The following OPRD1 variants were observed in gnomAD, a reference collection of about 807,000 sequenced individuals.
The protein encoded by OPRD1 is delta-type opioid receptor.
A neutral mutation model predicts 17.5 loss-of-function variants in OPRD1; 19 were observed. That is an observed-to-expected ratio of 1.09 (90% CI 0.76 to 1.60). The LOEUF is 1.60. Among genes scored for constraint, OPRD1 ranks in the 40% most tolerant of loss-of-function variants. The pLI, the probability that OPRD1 is intolerant of heterozygous loss-of-function variation, is 0.00. For missense variants in OPRD1, 483 were observed against 547.2 expected, an observed-to-expected ratio of 0.88 and a Z score of 1.17; for synonymous variants, 256 against 240.9, an observed-to-expected ratio of 1.06 and a Z score of -0.58.
chr1:28,860,644 C>T (rs902520584), intron 2 of OPRD1, among the ~76,000 whole-genome samples: 2 of 152,178 alleles, frequency 1.3e-5, no homozygotes, highest in Admixed American at 1.3e-4. Flanking sequence ...GGACTCCTAC[C>T]TCCATTTGAC....
At position 28,863,878 on chromosome 1, in the gene OPRD1, T is replaced by A. The variant is rs204076; in HGVS notation, c.*595T>A. On this transcript the variant is annotated 3_prime_UTR_variant, in exon 3 of 3. Transcript: ENST00000234961. ...CCTGTGCAAAGGGCCTGTGGCCTCA[T>A]CTTTGGATACGGGATACAGTCCCAG... 110,955 of 152,256 alleles carry A rather than the reference T, an allele frequency of 0.73. 41,118 individuals carry two copies. Among genetic ancestry groups the A allele is most frequent in the East Asian group, 0.91 (4,705 of 5,174 alleles). 9.4% of individuals were successfully genotyped at this position (152,256 alleles called of 1,614,324 possible).
intron 1 of OPRD1, among the ~76,000 whole-genome samples, chr1:28,840,083 A>C (rs1469520960): frequency 2.6e-5 from 4 of 152,142 alleles, no homozygotes; most frequent in Non-Finnish European, 5.9e-5. Flanking sequence ...GGGAGACAGC[A>C]TGAAGGGGAC....
chr1:28,818,994 G>A (rs1011838626), intron 1 of OPRD1, among the ~76,000 whole-genome samples: 4 of 151,470 alleles, frequency 2.6e-5, no homozygotes, highest in African/African-American at 9.7e-5. Context: ...AATCTGTGCA[G>A]AATGGTCTTC....
At chr1:28,856,241 C>T (rs563961168) in intron 1 of OPRD1, among the ~76,000 whole-genome samples, 1 of 152,292 alleles carries the variant, frequency 6.6e-6, no homozygotes, top group Non-Finnish European at 1.5e-5. Flanking sequence ...CTTCAATCTC[C>T]CTGTCTCTCC....
intron 1 of OPRD1, among the ~76,000 whole-genome samples, chr1:28,849,914 C>G (rs894479392): frequency 1.4e-5 from 2 of 138,818 alleles, no homozygotes; most frequent in Non-Finnish European, 3.0e-5. Flanking sequence ...GAGTCTCGCT[C>G]TGTCGCCCAG....
chr1:28,857,937 C>T (rs1430788293), intron 1 of OPRD1, among the ~76,000 whole-genome samples: 2 of 151,706 alleles, frequency 1.3e-5, no homozygotes, highest in African/African-American at 4.8e-5. Context: ...GGACAACAGG[C>T]GTGCACCACT....
In OPRD1 at chr1:28,812,602, C is replaced by T. The variant is rs2088641738; in HGVS notation, c.219C>T (p.Gly73=). Reference sequence around the variant, plus strand: ...TGGGCAACGTGCTTGTCATGTTCGGCATCGTCCGGTGAGTCCGCTGCGGGC... The same window carrying T: ...TGGGCAACGTGCTTGTCATGTTCGGTATCGTCCGGTGAGTCCGCTGCGGGC... The part of the protein sequence containing the change: ...GLLGNVLVMF[G]IVRYTKMKTA... The change falls in exon 1 of 3, where the codon GGC becomes GGT. Residue 73 remains glycine, a synonymous_variant. Transcript: ENST00000234961. 1.3e-6 allele frequency: 2 copies of T among 1,534,826 alleles called. No homozygotes were observed. Among genetic ancestry groups the T allele is most frequent in the Non-Finnish European group, 1.7e-6 (2 of 1,145,682 alleles).
intron 1 of OPRD1, among the ~76,000 whole-genome samples, chr1:28,850,002 C>A (rs2088986223): frequency 6.6e-6 from 1 of 151,654 alleles, no homozygotes; most frequent in South Asian, 2.1e-4. Context: ...GCCTCAGCCT[C>A]CAGAGTATCT....
intron 1 of OPRD1, among the ~76,000 whole-genome samples, chr1:28,833,690 C>T (rs985272362): frequency 2.0e-5 from 3 of 152,160 alleles, no homozygotes; most frequent in Admixed American, 1.3e-4. Context: ...ATCAGACTAA[C>T]CATCACGGGG....
At chr1:28,846,911 CT>C (rs2088957734) in intron 1 of OPRD1, among the ~76,000 whole-genome samples, 2 of 124,082 alleles carry the variant, frequency 1.6e-5, no homozygotes, top group Non-Finnish European at 1.7e-5. Flanking sequence ...CTTTCTTTTT[CT>C]TTCTTTCTTT....
intron 1 of OPRD1, among the ~76,000 whole-genome samples, chr1:28,833,009 G>A (rs1359824556): frequency 6.6e-6 from 1 of 152,194 alleles, no homozygotes. Context: ...AGATGGTGAG[G>A]ACTCAAAATC....
At position 28,868,990 on chromosome 1, in the gene OPRD1, C is replaced by T. The variant is rs1193781501; in HGVS notation, c.*5707C>T. On this transcript the variant is annotated 3_prime_UTR_variant, in exon 3 of 3. Transcript: ENST00000234961. ...CTCTCTTTGTGTCAGCCGCAGATCC[C>T]TCACCTAGGGCATGACTACTGGCTG... The T allele has an allele frequency of 6.6e-6, 1 of 152,208 alleles. No homozygotes were observed. Among genetic ancestry groups the T allele is most frequent in the Admixed American group, 6.5e-5 (1 of 15,268 alleles). 9.4% of individuals were successfully genotyped at this position (152,208 alleles called of 1,614,324 possible).
intron 1 of OPRD1, among the ~76,000 whole-genome samples, chr1:28,844,052 A>G (rs2088918728): frequency 6.6e-6 from 1 of 152,036 alleles, no homozygotes; most frequent in East Asian, 1.9e-4. Context: ...CTATTTTCAG[A>G]TTTGTGAGGA....
chr1:28,856,734 A>G (rs760614862), intron 1 of OPRD1, among the ~76,000 whole-genome samples: 1 of 152,242 alleles, frequency 6.6e-6, no homozygotes, highest in Non-Finnish European at 1.5e-5. Context: ...CAAGGGGCCA[A>G]CTGTAATGTA....
intron 2 of OPRD1, among the ~76,000 whole-genome samples, chr1:28,861,912 TC>T (rs200375243): frequency 0.042 from 1,787 of 42,486 alleles, 57 homozygotes; most frequent in African/African-American, 0.079. Context: ...TCTTTTCTTT[TC>T]TTTTTTTTTT....
rs1233677897 is a variant in OPRD1 at position 28,869,741 on chromosome 1, G to T, written c.*6458G>T. The T allele has an allele frequency of 1.3e-5, 2 of 152,146 alleles. No homozygotes were observed. Among genetic ancestry groups the T allele is most frequent in the African/African-American group, 4.8e-5 (2 of 41,406 alleles). 9.4% of individuals were successfully genotyped at this position (152,146 alleles called of 1,614,324 possible). ...GAGGAAATGCTCTGAGTATACCGAG[G>T]GTCCTCAGGAGACTCTCACATCCAG... is the stretch of plus-strand genomic sequence containing the variant. On this transcript the variant is annotated 3_prime_UTR_variant, in exon 3 of 3. Transcript: ENST00000234961.
chr1:28,849,696 T>A (rs1346675572), intron 1 of OPRD1, among the ~76,000 whole-genome samples: 1 of 152,186 alleles, frequency 6.6e-6, no homozygotes, highest in Non-Finnish European at 1.5e-5. Flanking sequence ...AACAAAAATG[T>A]TTGAAGCAAG....
chr1:28,862,727 G>A lies in OPRD1; in HGVS notation c.578-15G>A, dbSNP rs1271964423. On this transcript the variant is annotated splice_polypyrimidine_tract_variant and intron_variant, in intron 2 of 2. Coordinates refer to ENST00000234961, the MANE Select transcript of OPRD1 (RefSeq NM_000911.4). ...CCCCTCACCCCGTCTGTCTTTCCTT[G>A]TTTCCGCGGCCCAGACGGGGCAGTG... The A allele has an allele frequency of 2.5e-6, 4 of 1,572,334 alleles. No homozygotes were observed. In the African/African-American group the frequency reaches 4.1e-5, roughly 16 times the overall value.
rs1332797464 is a variant in OPRD1, at chr1:28,865,484, G to C, written c.*2201G>C. On this transcript the variant is annotated 3_prime_UTR_variant, in exon 3 of 3. Coordinates refer to ENST00000234961, the MANE Select transcript of OPRD1 (RefSeq NM_000911.4). ...GGGGCTGGGGACTTAGGCACCAAGA[G>C]GGGCTTTGGGCACATTAGGGGGAAG... 6.6e-6 allele frequency: 1 copy of C among 152,240 alleles called. No individual in the cohort carries two copies. Among genetic ancestry groups the C allele is most frequent in the Non-Finnish European group, 1.5e-5 (1 of 68,048 alleles). The allele number at this position is 152,240 out of a possible 1,614,324, so 9.4% of individuals were successfully genotyped here.
Sources: allele counts gnomAD v4.1 joint callset (sites outside exome capture counted in the v4.1 genomes callset), GRCh38; gene constraint gnomAD v4.1.1; transcripts MANE v1.5; gene names NCBI Gene and HGNC (gene_info 2026-07-23, HGNC 2026-07-21).